SH3RF3: variants seen among roughly 807,000 people sequenced by gnomAD.
SH3RF3 encodes the protein SH3 domain containing ring finger 3, also known as E3 ubiquitin-protein ligase SH3RF3.
A neutral mutation model predicts 66.3 loss-of-function variants in SH3RF3; 29 were observed. The ratio of observed to expected loss-of-function variants is 0.44; its 90% CI spans 0.33 to 0.60. SH3RF3 has a LOEUF of 0.60. Ranked by LOEUF, SH3RF3 falls within the 20% of genes least tolerant of loss-of-function variation. The pLI is 0.04. For synonymous variants in SH3RF3, 583 were observed against 532.0 expected, an observed-to-expected ratio of 1.10 and a Z score of -1.32; for missense variants, 1,194 against 1,190.9, an observed-to-expected ratio of 1.00 and a Z score of -0.04.
chr2:109,419,389 CA>C (rs1026344073), intron 4 of SH3RF3, 149 bp from the exon 5 acceptor site: 1 of 753,910 alleles, frequency 1.3e-6, no homozygotes, highest in African/African-American at 1.8e-5. Context: ...CCTCCCATGA[CA>C]GTCCAGGTAG....
At position 109,437,052 on chromosome 2, in the gene SH3RF3, C is replaced by T. The variant is rs754398613; in HGVS notation, c.1734C>T (p.His578=). Residue 578 remains histidine (H), a synonymous_variant, in exon 7 of 10, where the codon CAC becomes CAT. Coordinates refer to ENST00000309415, the MANE Select transcript of SH3RF3 (RefSeq NM_001099289.3). The part of the protein sequence containing the change: ...PALPITTPQA[H]AQHPTASPPT... ...TGCCCATCACCACTCCCCAGGCCCA[C>T]GCCCAGCACCCCACAGCCTCGCCCC... 1.6e-5 allele frequency: 26 copies of T among 1,613,830 alleles called. No individual in the cohort carries two copies. The highest frequency in any genetic ancestry group is 8.3e-5 in the Admixed American group (5 of 60,014).
At position 109,233,622 on chromosome 2, in the gene SH3RF3, A is replaced by G. The variant is rs191730180; in HGVS notation, c.573+103509A>G. Among the ~76,000 whole-genome samples, 1,106 of 152,028 alleles carry G rather than the reference A, an allele frequency of 7.3e-3. 9 individuals carry two copies. The highest frequency in any genetic ancestry group is 0.026 in the African/African-American group (1,058 of 41,456). On this transcript the variant is annotated intron_variant, in intron 1 of 9. Transcript: ENST00000309415. ...TTGAGGGTGGGGCCTTTGCCGGGGA[A>G]CCACCCTCTTCTACCCAGTATTTCC... is the stretch of plus-strand genomic sequence containing the variant.
chr2:109,182,367 A>G (rs1165498612), intron 1 of SH3RF3, among the ~76,000 whole-genome samples: 1 of 152,220 alleles, frequency 6.6e-6, no homozygotes, highest in Non-Finnish European at 1.5e-5. Context: ...TAACCCACTT[A>G]GGAAGGTGAA....
At chr2:109,371,809 C>A in intron 3 of SH3RF3, 128 bp downstream of exon 3, 1 of 771,384 alleles carries the variant, frequency 1.3e-6, no homozygotes, top group Non-Finnish European at 2.2e-6. Flanking sequence ...AGCCTCTGGC[C>A]AGAGAGCTGC....
intron 1 of SH3RF3, among the ~76,000 whole-genome samples, chr2:109,319,805 C>G (rs975920028): frequency 1.1e-4 from 16 of 152,358 alleles, no homozygotes; most frequent in Admixed American, 6.5e-4. Flanking sequence ...GGAGCTTTTT[C>G]CAGCCAAACA....
At chr2:109,286,857 C>T (rs1466365746) in intron 1 of SH3RF3, among the ~76,000 whole-genome samples, 1 of 152,192 alleles carries the variant, frequency 6.6e-6, no homozygotes, top group Non-Finnish European at 1.5e-5. Flanking sequence ...ACTTCTCCAA[C>T]TCTAAATTCG....
intron 1 of SH3RF3, among the ~76,000 whole-genome samples, chr2:109,249,647 C>CTCTTTCTTTCTTTCTTTCTT (rs749986705): frequency 4.5e-4 from 59 of 130,856 alleles, no homozygotes; most frequent in African/African-American, 1.7e-3. Context: ...CTCTGTTTCT[C>CTCTTTCTTTCTTTCTTTCTT]TCTTTCTTTC....
chr2:109,207,024 C>T (rs571158422), intron 1 of SH3RF3, among the ~76,000 whole-genome samples: 1 of 152,290 alleles, frequency 6.6e-6, no homozygotes, highest in African/African-American at 2.4e-5. Flanking sequence ...GTGAGAACCA[C>T]TCAGGGCCTG....
Position 109,432,653 on chromosome 2 carries a change from A to G in SH3RF3, c.1556A>G (p.Tyr519Cys). Residue 519 changes from tyrosine to cysteine, a missense_variant, in exon 6 of 10, where the codon TAC (tyrosine) becomes TGC (cysteine). Transcript: ENST00000309415. ...TGVSGVFPGN[Y>C]VTPVSRVPAG... is the part of the protein sequence containing the mutation. ...GTCTCTGGGGTGTTCCCCGGAAACTACGTGACACCCGTTTCCAGGTGAGGG... is the reference window on the plus strand; with the variant it reads ...GTCTCTGGGGTGTTCCCCGGAAACTGCGTGACACCCGTTTCCAGGTGAGGG... 1 of 1,612,666 alleles carries G rather than the reference A, an allele frequency of 6.2e-7. No individual in the cohort carries two copies. Among genetic ancestry groups the G allele is most frequent in the Non-Finnish European group, 8.5e-7 (1 of 1,179,458 alleles).
intron 6 of SH3RF3, among the ~76,000 whole-genome samples, chr2:109,436,186 T>C (rs1000331895): frequency 2.6e-5 from 4 of 152,170 alleles, no homozygotes; most frequent in Non-Finnish European, 4.4e-5. Context: ...ATGGAAGACA[T>C]TTAATTCCCC....
chr2:109,503,427 G>A lies in SH3RF3; in HGVS notation c.*1756G>A, dbSNP rs951094518. ...TACTTCCAGGTGGTCACCACACGGC[G>A]GGGGTCATGCCTTTCCCTCCCCCAA... On this transcript the variant is annotated 3_prime_UTR_variant, in exon 10 of 10. Transcript: ENST00000309415. The A allele has an allele frequency of 1.3e-5, 2 of 152,030 alleles. No homozygotes were observed. Among genetic ancestry groups the A allele is most frequent in the East Asian group, 1.9e-4 (1 of 5,170 alleles). 9.4% of individuals were successfully genotyped at this position (152,030 alleles called of 1,614,324 possible). A position where few individuals can be genotyped will look rare whatever the true frequency, so the allele number is the denominator to read the frequency against.
At chr2:109,233,121 C>T (rs948255878) in intron 1 of SH3RF3, among the ~76,000 whole-genome samples, 7 of 152,202 alleles carry the variant, frequency 4.6e-5, no homozygotes, top group Admixed American at 2.0e-4. Context: ...ATTAATGCTC[C>T]TTTAGCAGTT....
chr2:109,283,027 T>A (rs760504582), intron 1 of SH3RF3, among the ~76,000 whole-genome samples: 22 of 152,180 alleles, frequency 1.4e-4, no homozygotes, highest in Non-Finnish European at 2.4e-4. Context: ...TGGCAAGGAC[T>A]GTGTGAACTG....
chr2:109,226,519 C>A (rs1173969669), intron 1 of SH3RF3, among the ~76,000 whole-genome samples: 1 of 152,214 alleles, frequency 6.6e-6, no homozygotes, highest in Non-Finnish European at 1.5e-5. Context: ...GCAACCACTT[C>A]TTTTTAAGTC....
At position 109,504,429 on chromosome 2, in the gene SH3RF3, A is replaced by T. The variant is rs1283652608; in HGVS notation, c.*2758A>T. The stretch of plus-strand genomic sequence containing the variant: ...GCTCTCCTGGCATCCTCATGGGGTG[A>T]TGCCAGGCCGGGCACTTCAAAACAG... On this transcript the variant is annotated 3_prime_UTR_variant, in exon 10 of 10. Transcript: ENST00000309415. 6.6e-6 allele frequency: 1 copy of T among 152,250 alleles called. No individual in the cohort carries two copies. Among genetic ancestry groups the T allele is most frequent in the Non-Finnish European group, 1.5e-5 (1 of 68,084 alleles). 9.4% of individuals were successfully genotyped at this position (152,250 alleles called of 1,614,324 possible). A position where few individuals can be genotyped will look rare whatever the true frequency, so the allele number is the denominator to read the frequency against.
intron 1 of SH3RF3, among the ~76,000 whole-genome samples, chr2:109,238,292 A>G (rs745683277): frequency 7.9e-5 from 12 of 152,228 alleles, no homozygotes; most frequent in Non-Finnish European, 1.5e-4. Context: ...CCAGATGGCA[A>G]GTACACTAAT....
At chr2:109,428,164 G>T (rs187804383) in intron 5 of SH3RF3, among the ~76,000 whole-genome samples, 2 of 152,332 alleles carry the variant, frequency 1.3e-5, no homozygotes, top group Admixed American at 1.3e-4. Context: ...GCGTGGCCCT[G>T]GGAGAAAAGT....
intron 1 of SH3RF3, among the ~76,000 whole-genome samples, chr2:109,209,616 G>A (rs1447206457): frequency 6.6e-6 from 1 of 152,150 alleles, no homozygotes; most frequent in African/African-American, 2.4e-5. Context: ...CTGCTGTGTA[G>A]GTGGGGAGGA....
At chr2:109,322,237 C>G (rs1682043367) in intron 1 of SH3RF3, among the ~76,000 whole-genome samples, 1 of 152,218 alleles carries the variant, frequency 6.6e-6, no homozygotes, top group Non-Finnish European at 1.5e-5. Flanking sequence ...CTTCTCCCTT[C>G]TTGCTGGAAC....
Sources: allele counts gnomAD v4.1 joint callset (sites outside exome capture counted in the v4.1 genomes callset), GRCh38; gene constraint gnomAD v4.1.1; transcripts MANE v1.5; gene names NCBI Gene and HGNC (gene_info 2026-07-23, HGNC 2026-07-21).